Variants in KCNH5 observed in about 807,000 individuals in gnomAD.
The protein encoded by KCNH5 is voltage-gated delayed rectifier potassium channel KCNH5.
Under a neutral mutation model 96.1 loss-of-function variants are expected in KCNH5, and 46 were observed. The observed-to-expected ratio is 0.48, with a 90% CI of 0.38 to 0.61. The LOEUF is 0.61. Ranked by LOEUF, KCNH5 falls within the 20% of genes least tolerant of loss-of-function variation. The pLI is 0.00. For missense variants in KCNH5, 907 were observed against 1,225.8 expected, an observed-to-expected ratio of 0.74 and a Z score of 3.88; for synonymous variants, 439 against 449.8, an observed-to-expected ratio of 0.98 and a Z score of 0.30.
intron 7 of KCNH5, among the ~76,000 whole-genome samples, chr14:62,933,861 C>A (rs1336600318): frequency 6.6e-6 from 1 of 152,136 alleles, no homozygotes; most frequent in Non-Finnish European, 1.5e-5. Flanking sequence ...GAACCAGAGA[C>A]GTGGAAAATA....
chr14:62,725,571 A>C (rs970398624), intron 10 of KCNH5, among the ~76,000 whole-genome samples: 2 of 152,164 alleles, frequency 1.3e-5, no homozygotes, highest in East Asian at 3.9e-4. Context: ...TCAATTGATG[A>C]TATCAGAGTG....
intron 8 of KCNH5, among the ~76,000 whole-genome samples, chr14:62,846,288 A>G (rs1223525468): frequency 1.3e-5 from 2 of 152,174 alleles, no homozygotes; most frequent in South Asian, 4.1e-4. Context: ...CTTATTAATT[A>G]ATAAATCACT....
intron 8 of KCNH5, among the ~76,000 whole-genome samples, chr14:62,849,074 G>A (rs948909010): frequency 2.0e-5 from 3 of 152,158 alleles, no homozygotes; most frequent in African/African-American, 7.2e-5. Context: ...TCAGCTCCAT[G>A]AAAAGGCAAG....
intron 7 of KCNH5, among the ~76,000 whole-genome samples, chr14:62,888,634 T>C (rs1457821589): frequency 6.6e-6 from 1 of 152,200 alleles, no homozygotes; most frequent in Non-Finnish European, 1.5e-5. Flanking sequence ...CAGATAACTG[T>C]ATTAGATTAA....
intron 10 of KCNH5, among the ~76,000 whole-genome samples, chr14:62,765,992 A>G (rs182411102): frequency 4.6e-5 from 7 of 152,324 alleles, no homozygotes; most frequent in Admixed American, 4.6e-4. Flanking sequence ...AAACAACTCT[A>G]TAGGAAATAT....
intron 8 of KCNH5, among the ~76,000 whole-genome samples, chr14:62,807,925 C>T (rs760913984): frequency 2.6e-5 from 4 of 152,094 alleles, no homozygotes; most frequent in Non-Finnish European, 5.9e-5. Flanking sequence ...TCTTACTGTA[C>T]AACTTGCCTT....
At chr14:63,003,626 T>A (rs868725481) in intron 3 of KCNH5, among the ~76,000 whole-genome samples, 5,669 of 115,710 alleles carry the variant, frequency 0.049, 182 homozygotes, top group Non-Finnish European at 0.064. Flanking sequence ...ATATATATAT[T>A]TTTTTTTTTT....
chr14:62,807,206 C>T (rs781054990), intron 8 of KCNH5, among the ~76,000 whole-genome samples: 1 of 152,102 alleles, frequency 6.6e-6, no homozygotes. Context: ...GGATTAGACT[C>T]TGTCAAAGAA....
chr14:62,997,583 ATTC>A (rs1890929279), intron 4 of KCNH5, among the ~76,000 whole-genome samples: 1 of 152,104 alleles, frequency 6.6e-6, no homozygotes, highest in African/African-American at 2.4e-5. Flanking sequence ...GGTTGTCATA[ATTC>A]TTTTTAGATA....
intron 4 of KCNH5, among the ~76,000 whole-genome samples, chr14:62,995,216 A>G (rs1890884651): frequency 6.6e-6 from 1 of 152,038 alleles, no homozygotes; most frequent in Non-Finnish European, 1.5e-5. Context: ...ATTTTGGCAA[A>G]TCCTCAAAGG....
intron 9 of KCNH5, among the ~76,000 whole-genome samples, chr14:62,801,008 T>G (rs1220497865): frequency 2.0e-5 from 3 of 152,162 alleles, no homozygotes; most frequent in Middle Eastern, 3.4e-3. Context: ...AAGGAAAGGC[T>G]TACAAACCTT....
At chr14:62,762,348 A>T (rs1284983374) in intron 10 of KCNH5, among the ~76,000 whole-genome samples, 1 of 152,108 alleles carries the variant, frequency 6.6e-6, no homozygotes, top group Non-Finnish European at 1.5e-5. Context: ...CACTTGCAGC[A>T]CAGCCTTGAA....
chr14:62,962,484 T>C (rs557730700), intron 6 of KCNH5, among the ~76,000 whole-genome samples: 1 of 152,178 alleles, frequency 6.6e-6, no homozygotes, highest in African/African-American at 2.4e-5. Flanking sequence ...TTCCTGGGGA[T>C]CAATGGAGAA....
At chr14:62,833,890 T>C (rs1887412077) in intron 8 of KCNH5, among the ~76,000 whole-genome samples, 1 of 152,012 alleles carries the variant, frequency 6.6e-6, no homozygotes, top group African/African-American at 2.4e-5. Context: ...ATATGTCAGT[T>C]TGATGGTCCC....
intron 7 of KCNH5, among the ~76,000 whole-genome samples, chr14:62,881,625 T>C (rs890086003): frequency 8.5e-5 from 13 of 152,154 alleles, no homozygotes; most frequent in African/African-American, 3.1e-4. Context: ...TAGAAATCCC[T>C]CATGCTATGA....
intron 10 of KCNH5, among the ~76,000 whole-genome samples, chr14:62,739,677 T>G (rs1040395018): frequency 6.6e-6 from 1 of 152,124 alleles, no homozygotes; most frequent in African/African-American, 2.4e-5. Context: ...ATGGTACTGT[T>G]GTACAGACCA....
chr14:62,964,558 G>A (rs1343307034), intron 6 of KCNH5, among the ~76,000 whole-genome samples: 1 of 152,006 alleles, frequency 6.6e-6, no homozygotes, highest in Admixed American at 6.6e-5. Flanking sequence ...CTCTGACCAA[G>A]ATGACCTTAA....
chr14:62,847,078 GC>G (rs924701213), intron 8 of KCNH5, among the ~76,000 whole-genome samples: 382 of 148,450 alleles, frequency 2.6e-3, no homozygotes, highest in Admixed American at 4.8e-3. Context: ...GGGATTACAG[GC>G]GTGAGCCACC....
intron 9 of KCNH5, among the ~76,000 whole-genome samples, chr14:62,801,499 A>ATTTTTTTTTTTTTTTTTT (rs35409070): frequency 9.2e-6 from 1 of 108,860 alleles, no homozygotes; most frequent in Non-Finnish European, 1.8e-5. Context: ...TCATTTGGCA[A>ATTTTTTTTTTTTTTTTTT]TTTTTTTTTT....
Sources: gnomAD v4.1 joint callset for allele counts (sites outside exome capture counted in the v4.1 genomes callset) on GRCh38, gnomAD v4.1.1 for gene constraint, MANE v1.5 for transcripts, NCBI Gene and HGNC (gene_info 2026-07-23, HGNC 2026-07-21) for gene names.